Variants in DAB1 observed in about 807,000 individuals in gnomAD.
The protein encoded by DAB1 is disabled homolog 1.
A neutral mutation model predicts 64.6 loss-of-function variants in DAB1; 15 were observed. The ratio of observed to expected loss-of-function variants is 0.23; its 90% confidence interval spans 0.16 to 0.36. The LOEUF (loss-of-function observed/expected upper bound fraction) is 0.36. Ranked by LOEUF, DAB1 falls within the 10% of genes least tolerant of loss-of-function variation. DAB1 has a pLI of 1.00. For missense variants in DAB1, 596 were observed against 706.7 expected, an observed-to-expected ratio of 0.84 and a Z score of 1.78; for synonymous variants, 235 against 251.9, an observed-to-expected ratio of 0.93 and a Z score of 0.64.
intron 4 of DAB1, among the ~76,000 whole-genome samples, chr1:57,114,665 T>A (rs777400455): frequency 1.1e-4 from 16 of 152,194 alleles, no homozygotes; most frequent in Non-Finnish European, 1.6e-4. Flanking sequence ...GCTCCTGCAC[T>A]CAGAAGCATC....
At chr1:58,027,005 C>A (rs1646904819) in intron 5 of DAB1, among the ~76,000 whole-genome samples, 1 of 152,214 alleles carries the variant, frequency 6.6e-6, no homozygotes, top group South Asian at 2.1e-4. Context: ...GGCCTGGAAA[C>A]TCTAAAACCA....
chr1:57,339,017 C>T (rs58453268), intron 1 of DAB1, among the ~76,000 whole-genome samples: 3 of 152,088 alleles, frequency 2.0e-5, no homozygotes, highest in South Asian at 4.1e-4. Context: ...GAATGAAGAT[C>T]GGATGTGAGA....
intron 5 of DAB1, among the ~76,000 whole-genome samples, chr1:57,953,805 T>C (rs1570062819): frequency 1.3e-5 from 2 of 151,990 alleles, no homozygotes; most frequent in Admixed American, 1.3e-4. Flanking sequence ...AGTGGCTGGG[T>C]TCCTGTAATA....
chr1:57,765,965 C>T (rs985178614), intron 6 of DAB1, among the ~76,000 whole-genome samples: 1 of 151,884 alleles, frequency 6.6e-6, no homozygotes, highest in African/African-American at 2.4e-5. Context: ...CAGGTTCCTC[C>T]CACATTCCCC....
At chr1:57,170,250 C>T (rs1235558859) in intron 2 of DAB1, among the ~76,000 whole-genome samples, 1 of 152,108 alleles carries the variant, frequency 6.6e-6, no homozygotes, top group Non-Finnish European at 1.5e-5. Context: ...CCAACTGCCT[C>T]GGCCTTCCAA....
chr1:57,067,356 A>G (rs2100583081), intron 8 of DAB1, among the ~76,000 whole-genome samples: 1 of 152,224 alleles, frequency 6.6e-6, no homozygotes, highest in South Asian at 2.1e-4. Flanking sequence ...CTTTATTTAC[A>G]GAGGTCAGAG....
intron 7 of DAB1, among the ~76,000 whole-genome samples, chr1:57,611,723 C>A (rs1371721695): frequency 6.6e-6 from 1 of 152,220 alleles, no homozygotes; most frequent in Non-Finnish European, 1.5e-5. Context: ...CTGCATCATG[C>A]CTGTCCTGGG....
intron 7 of DAB1, among the ~76,000 whole-genome samples, chr1:57,490,675 A>C (rs1350898383): frequency 1.3e-5 from 2 of 152,208 alleles, no homozygotes; most frequent in Non-Finnish European, 2.9e-5. Flanking sequence ...TTTCTGATAG[A>C]AAATGTTATT....
chr1:57,695,294 G>C (rs796456889), intron 6 of DAB1, among the ~76,000 whole-genome samples: 2 of 52,090 alleles, frequency 3.8e-5, no homozygotes, highest in Non-Finnish European at 7.4e-5. Flanking sequence ...GAAAGGGAGA[G>C]AGAAGGAAAG....
chr1:57,685,144 G>C (rs1646680748), intron 6 of DAB1, among the ~76,000 whole-genome samples: 1 of 151,456 alleles, frequency 6.6e-6, no homozygotes, highest in Non-Finnish European at 1.5e-5. Context: ...AGTAGAGACG[G>C]GGTTTCACCA....
In DAB1 at chr1:57,071,059, T is replaced by A; in HGVS notation, c.561A>T (p.Thr187=). ...DKQCEQAVYQ[T]ILEEDVEDPV... ...GATCTTCAACATCCTCTTCCAATAT[T>A]GTCTATTGCAGAGTAAGGAGAGGGA... The change falls in exon 7 of 15, where the codon ACA becomes ACT. Residue 187 remains threonine, a splice_region_variant and synonymous_variant. Transcript: ENST00000371236. 1 of 1,612,726 alleles carries A rather than the reference T, an allele frequency of 6.2e-7. No homozygotes were observed. The highest frequency in any genetic ancestry group is 8.5e-7 in the Non-Finnish European group (1 of 1,178,798).
At chr1:57,872,435 G>A (rs1303863177) in intron 1 of DAB1, among the ~76,000 whole-genome samples, 1 of 152,184 alleles carries the variant, frequency 6.6e-6, no homozygotes, top group Non-Finnish European at 1.5e-5. Flanking sequence ...ATCTGCTGAA[G>A]CCTTGATCTT....
chr1:57,741,243 A>G (rs1177253759), intron 6 of DAB1, among the ~76,000 whole-genome samples: 1 of 152,198 alleles, frequency 6.6e-6, no homozygotes, highest in Non-Finnish European at 1.5e-5. Flanking sequence ...CCTCTCTACT[A>G]TTCCATCATT....
chr1:57,807,696 A>G (rs1419689760), intron 6 of DAB1, among the ~76,000 whole-genome samples: 1 of 152,048 alleles, frequency 6.6e-6, no homozygotes. Flanking sequence ...TTTTTTTTCA[A>G]TAAAAGTTAC....
intron 9 of DAB1, among the ~76,000 whole-genome samples, chr1:57,053,492 C>CCCACCT (rs1431851271): frequency 6.6e-6 from 1 of 151,342 alleles, no homozygotes; most frequent in South Asian, 2.1e-4. Flanking sequence ...AAGAGATCCT[C>CCCACCT]CCACCTCCAC....
rs756347139 is a variant in DAB1 at position 57,145,274 on chromosome 1, A to G, written c.207+16T>C. The stretch of plus-strand genomic sequence containing the variant: ...ATTAAACACAAAGTATTGAAAAGAA[A>G]ACGTTTGCATAGCACCTTGAGTTTC... On this transcript the variant is annotated intron_variant, in intron 3 of 14. Transcript: ENST00000371236. The G allele has an allele frequency of 6.2e-7, 1 of 1,613,418 alleles. No individual in the cohort carries two copies. The highest frequency in any genetic ancestry group is 2.2e-5 in the East Asian group (1 of 44,824).
chr1:57,133,031 A>T (rs767275013), intron 4 of DAB1, among the ~76,000 whole-genome samples: 4 of 152,092 alleles, frequency 2.6e-5, no homozygotes, highest in African/African-American at 4.8e-5. Flanking sequence ...AATTATATGG[A>T]CCCTGGCTTT....
intron 7 of DAB1, among the ~76,000 whole-genome samples, chr1:57,644,131 GA>G (rs1646163744): frequency 6.6e-6 from 1 of 152,160 alleles, no homozygotes; most frequent in African/African-American, 2.4e-5. Context: ...CAAGCCTGGT[GA>G]AATGGAATGG....
intron 6 of DAB1, among the ~76,000 whole-genome samples, chr1:57,712,670 G>T (rs1016782835): frequency 1.3e-5 from 2 of 152,148 alleles, no homozygotes; most frequent in Non-Finnish European, 2.9e-5. Flanking sequence ...CAACCCTGGG[G>T]CTGCTCACGA....
Sources: gnomAD v4.1 joint callset for allele counts (sites outside exome capture counted in the v4.1 genomes callset) on GRCh38, gnomAD v4.1.1 for gene constraint, MANE v1.5 for transcripts, NCBI Gene and HGNC (gene_info 2026-07-23, HGNC 2026-07-21) for gene names.